ARHGEF18: variants seen among roughly 807,000 people sequenced by gnomAD.
The protein encoded by ARHGEF18 is Rho/Rac guanine nucleotide exchange factor 18.
ARHGEF18 carries 93 observed loss-of-function variants against 155.7 expected under a neutral mutation model. The ratio of observed to expected loss-of-function variants is 0.60; its 90% confidence interval spans 0.50 to 0.71. ARHGEF18 has a LOEUF of 0.71. Among genes scored for constraint, ARHGEF18 ranks in the 30% least tolerant of loss-of-function variants. The probability of loss-of-function intolerance (pLI) is 0.00; values close to 1 mark genes in which losing one functional copy is unlikely to be tolerated. For synonymous variants in ARHGEF18, 742 were observed against 753.1 expected (o/e 0.99, Z 0.24); for missense variants, 1,593 against 1,816.1 (o/e 0.88, Z 2.23).
intron 10 of ARHGEF18, among the ~76,000 whole-genome samples, chr19:7,385,831 CTA>C (rs1312854788): frequency 0.025 from 2,253 of 91,886 alleles, 195 homozygotes; most frequent in African/African-American, 0.067. Context: ...CTATCTCTCT[CTA>C]TCTCTCTCTC....
intron 10 of ARHGEF18, among the ~76,000 whole-genome samples, chr19:7,414,530 G>A (rs1972882440): frequency 2.0e-5 from 3 of 151,994 alleles, no homozygotes; most frequent in Admixed American, 2.0e-4. Context: ...CAAAAATTAG[G>A]CTGGGCACGG....
rs1477563990 is a variant in ARHGEF18, at chr19:7,462,629, A to G, written c.2635+295A>G. Among the ~76,000 whole-genome samples the G allele has an allele frequency of 6.8e-6, 1 of 148,040 alleles. No individual in the cohort carries two copies. The highest frequency in any genetic ancestry group is 1.5e-5 in the Non-Finnish European group (1 of 67,986). ...AGAGGCTCTAAGCCGGGCCGTGGGG[A>G]GGATCTGAAGTTGACTAAGACTGGT... On this transcript the variant is annotated intron_variant, in intron 21 of 28. Transcript: ENST00000668164. The surrounding 1 kb of genome is among the most constrained non-coding windows in gnomAD (Gnocchi z 4.4).
rs554874402 is a variant in ARHGEF18, at chr19:7,460,393, G to A, written c.2452+399G>A. ...CTTCCTCCTCCCTGTTTAATTACAC[G>A]ATTGAGATGTAATTCACACACCACA... On this transcript the variant is annotated intron_variant, in intron 20 of 28. Coordinates refer to ENST00000668164, the MANE Select transcript of ARHGEF18 (RefSeq NM_001367823.1). 2.6e-5 allele frequency among the ~76,000 whole-genome samples: 4 copies of A among 152,230 alleles called. No homozygotes were observed. The East Asian group carries it at 5.8e-4, about 22-fold the overall frequency.
At position 7,440,839 on chromosome 19, in the gene ARHGEF18, G is replaced by C. The variant is rs1338851893; in HGVS notation, c.1106+357G>C. The stretch of plus-strand genomic sequence containing the variant: ...ATCTGTGCCTTACCTCGTTTTATAG[G>C]ACTTCAAAGTGGTTCCCTTGATAAT... On this transcript the variant is annotated intron_variant, in intron 11 of 28. Transcript: ENST00000668164. The surrounding 1 kb of genome is among the most constrained non-coding windows in gnomAD (Gnocchi z 5.4). 6.6e-6 allele frequency among the ~76,000 whole-genome samples: 1 copy of C among 152,122 alleles called. No individual in the cohort carries two copies. Among genetic ancestry groups the C allele is most frequent in the Admixed American group, 6.6e-5 (1 of 15,262 alleles).
Position 7,444,506 on chromosome 19 carries a change from C to CT in ARHGEF18, c.1611+53dup. The CT allele has an allele frequency of 6.3e-7, 1 of 1,588,618 alleles. No homozygotes were observed. The highest frequency in any genetic ancestry group is 8.6e-7 in the Non-Finnish European group (1 of 1,166,880). On this transcript the variant is annotated intron_variant, in intron 14 of 28. Coordinates refer to ENST00000668164, the MANE Select transcript of ARHGEF18 (RefSeq NM_001367823.1). The surrounding 1 kb of genome is among the most constrained non-coding windows in gnomAD (Gnocchi z 4.7). ...AGTCTTCAAAGCCTCTGCCTTGTCTCTGTTCCTTTCTTCTTTTTTTCTGAG... is the reference window on the plus strand; with the variant it reads ...AGTCTTCAAAGCCTCTGCCTTGTCTCTTGTTCCTTTCTTCTTTTTTTCTGAG...
At chr19:7,466,839 GAA>G (rs1491487914) in intron 23 of ARHGEF18, 77 bp from the exon 24 acceptor site, 613 of 622,426 alleles carry the variant, frequency 9.8e-4, no homozygotes, top group Non-Finnish European at 1.3e-3. Flanking sequence ...TAAAAAAAAA[GAA>G]GAAGAAGAAG....
At chr19:7,353,664 G>A (rs1341241752) in intron 1 of ARHGEF18, among the ~76,000 whole-genome samples, 1 of 150,874 alleles carries the variant, frequency 6.6e-6, no homozygotes, top group Non-Finnish European at 1.5e-5. Context: ...TTTTTAAAGT[G>A]AGATTTAGCC....
chr19:7,476,812 C>T (rs1034883393), downstream of ARHGEF18: 25 of 188,200 alleles, frequency 1.3e-4, no homozygotes, highest in African/African-American at 5.4e-4. Context: ...ACTTTGGGTC[C>T]GTCCTGTGGA....
intron 2 of ARHGEF18, among the ~76,000 whole-genome samples, chr19:7,368,790 G>T (rs1206479893): frequency 2.6e-5 from 4 of 152,144 alleles, no homozygotes; most frequent in Non-Finnish European, 5.9e-5. Flanking sequence ...GGAGCCATTT[G>T]GGGGGTAAGT....
chr19:7,351,119 C>T (rs534706824), intron 1 of ARHGEF18, among the ~76,000 whole-genome samples: 9 of 151,998 alleles, frequency 5.9e-5, no homozygotes, highest in Non-Finnish European at 1.3e-4. Flanking sequence ...GAAGTTTGGT[C>T]TGTGAGATCT....
At chr19:7,367,998 A>AGAGAGAGAGAGG (rs1275056208) in intron 2 of ARHGEF18, among the ~76,000 whole-genome samples, 6 of 69,664 alleles carry the variant, frequency 8.6e-5, no homozygotes, top group East Asian at 8.1e-4. Flanking sequence ...AGAGAGAGAG[A>AGAGAGAGAGAGG]GAGGGAGGGA....
intron 10 of ARHGEF18, among the ~76,000 whole-genome samples, chr19:7,403,185 G>A (rs1010958513): frequency 4.6e-5 from 7 of 151,916 alleles, no homozygotes; most frequent in East Asian, 3.9e-4. Flanking sequence ...CAAGCAATCC[G>A]CCCGCCTTGG....
the ARHGEF18 span, among the ~76,000 whole-genome samples, chr19:7,478,840 C>T: frequency 6.6e-6 from 1 of 152,242 alleles, no homozygotes; most frequent in Non-Finnish European, 1.5e-5. Flanking sequence ...TGCACACACA[C>T]CCCGGACATT....
At chr19:7,369,572 G>T (rs567470714) in intron 2 of ARHGEF18, among the ~76,000 whole-genome samples, 1 of 152,190 alleles carries the variant, frequency 6.6e-6, no homozygotes, top group African/African-American at 2.4e-5. Context: ...GCTGAGGCAG[G>T]TGAATCATGA....
chr19:7,431,510 C>CAAAAAAAAAAAAAAAAAAAAAAAAA (rs34609858), intron 10 of ARHGEF18, among the ~76,000 whole-genome samples: 1 of 51,274 alleles, frequency 2.0e-5, no homozygotes, highest in African/African-American at 7.9e-5. Context: ...GACTCCATCT[C>CAAAAAAAAAAAAAAAAAAAAAAAAA]AAAAAAAAAA....
chr19:7,465,178 C>T (rs912502885), intron 23 of ARHGEF18, among the ~76,000 whole-genome samples: 3 of 152,182 alleles, frequency 2.0e-5, no homozygotes, highest in African/African-American at 7.2e-5. Flanking sequence ...ACGCAGGCCT[C>T]ATAGCCAAGC....
At chr19:7,448,837 C>G (rs1975182242) in intron 15 of ARHGEF18, among the ~76,000 whole-genome samples, 1 of 152,066 alleles carries the variant, frequency 6.6e-6, no homozygotes, top group South Asian at 2.1e-4. Flanking sequence ...CTCCCACGTC[C>G]TAGAAACCAC....
At position 7,467,319 on chromosome 19, in the gene ARHGEF18, G is replaced by A. The variant is rs1445016760; in HGVS notation, c.3115G>A (p.Glu1039Lys). ...LQSTRGNLLL[E>K]QERQRNFEKQ... is the part of the protein sequence containing the mutation. ...GTCGACGCGTGGGAACCTGCTGCTGGAGCAGGAGCGGCAACGCAACTTCGA... is the reference window on the plus strand; with the variant it reads ...GTCGACGCGTGGGAACCTGCTGCTGAAGCAGGAGCGGCAACGCAACTTCGA... The change falls in exon 26 of 29, where the codon GAG (glutamate) becomes AAG (lysine). Residue 1039 changes from glutamate (E) to lysine (K), a missense_variant. Physicochemically the swap from Glu to Lys is moderately conservative, Grantham distance 56. Coordinates refer to ENST00000668164, the MANE Select transcript of ARHGEF18 (RefSeq NM_001367823.1). 1 of 1,539,320 alleles carries A rather than the reference G, an allele frequency of 6.5e-7. No individual in the cohort carries two copies. The highest frequency in any genetic ancestry group is 8.7e-7 in the Non-Finnish European group (1 of 1,147,138).
intron 10 of ARHGEF18, among the ~76,000 whole-genome samples, chr19:7,399,899 A>G (rs1971944218): frequency 6.6e-6 from 1 of 151,658 alleles, no homozygotes; most frequent in Non-Finnish European, 1.5e-5. Context: ...CAGCCTCCCA[A>G]GGAGCTAGGA....
Sources: allele counts gnomAD v4.1 joint callset (sites outside exome capture counted in the v4.1 genomes callset), GRCh38; gene constraint gnomAD v4.1.1; non-coding constraint Gnocchi (gnomAD v3.1); transcripts MANE v1.5; gene names NCBI Gene and HGNC (gene_info 2026-07-23, HGNC 2026-07-21).